The following ARHGEF10 variants were observed in gnomAD, a reference collection of about 807,000 sequenced individuals.
ARHGEF10 encodes the protein Rho guanine nucleotide exchange factor 10, also known as Rho guanine nucleotide exchange factor (GEF) 10.
A neutral mutation model predicts 147.4 loss-of-function variants in ARHGEF10; 140 were observed. The ratio of observed to expected loss-of-function variants is 0.95; its 90% CI spans 0.83 to 1.09. The LOEUF is 1.09. Ranked by LOEUF, ARHGEF10 falls within the 50% of genes least tolerant of loss-of-function variation. The probability of loss-of-function intolerance (pLI) is 0.00; values close to 1 mark genes in which losing one functional copy is unlikely to be tolerated. For synonymous variants in ARHGEF10, 902 were observed against 695.8 expected, an observed-to-expected ratio of 1.30 and a Z score of -4.67; for missense variants, 2,222 against 1,752.7, an observed-to-expected ratio of 1.27 and a Z score of -4.78.
chr8:1,875,236 G>A (rs1807590288), intron 7 of ARHGEF10, among the ~76,000 whole-genome samples: 1 of 148,950 alleles, frequency 6.7e-6, no homozygotes, highest in Non-Finnish European at 1.5e-5. Flanking sequence ...GTGGGAGAGT[G>A]CAGACACACA....
At chr8:1,918,299 G>T (rs1182849984) in intron 18 of ARHGEF10, among the ~76,000 whole-genome samples, 2 of 152,212 alleles carry the variant, frequency 1.3e-5, no homozygotes, top group East Asian at 1.9e-4. Context: ...GCCCTGAGGT[G>T]CCCTATTATG....
At chr8:1,893,747 A>G (rs898277610) in intron 12 of ARHGEF10, 101 bp downstream of exon 12, 15 of 1,015,014 alleles carry the variant, frequency 1.5e-5, no homozygotes, top group African/African-American at 6.5e-5. Flanking sequence ...TTTATGAAAC[A>G]TAACATGCAA....
At position 1,857,967 on chromosome 8, in the gene ARHGEF10, A is replaced by G. The variant is rs773000055; in HGVS notation, c.45A>G (p.Glu15=). The change falls in exon 3 of 29, where the codon GAA becomes GAG. Residue 15 remains glutamate (E), a synonymous_variant. Transcript: ENST00000349830. The part of the protein sequence containing the change: ...EPLPPAPAEN[E]MKYDTNNNEE... ...TTTGGTTTTTCTTTTTAGAAAATGA[A>G]ATGAAATATGATACCAATAATAATG... 2 of 1,613,902 alleles carry G rather than the reference A, an allele frequency of 1.2e-6. No homozygotes were observed. Among genetic ancestry groups the G allele is most frequent in the African/African-American group, 2.7e-5 (2 of 75,000 alleles).
chr8:1,925,396 G>A lies in ARHGEF10; in HGVS notation c.2602G>A (p.Glu868Lys). 1 of 1,614,106 alleles carries A rather than the reference G, an allele frequency of 6.2e-7. No individual in the cohort carries two copies. The highest frequency in any genetic ancestry group is 8.5e-7 in the Non-Finnish European group (1 of 1,180,030). ...GCCCGTGATGGTGGCCAAGCAGCAG[G>A]AGTTCAAGGTGAAGGGAGGCAGGGC... is the stretch of plus-strand genomic sequence containing the variant. ...HMPVMVAKQQ[E>K]FKIECAAYNP... The change falls in exon 22 of 29, where the codon GAG (glutamate) becomes AAG (lysine). Residue 868 changes from glutamate (E) to lysine (K), a missense_variant. Physicochemically the swap from Glu to Lys is moderately conservative, Grantham distance 56. Coordinates refer to ENST00000349830, the MANE Select transcript of ARHGEF10 (RefSeq NM_014629.4).
intron 11 of ARHGEF10, among the ~76,000 whole-genome samples, chr8:1,888,733 T>G (rs957957637): frequency 0.053 from 1,143 of 21,674 alleles, 443 homozygotes; most frequent in East Asian, 0.49. Flanking sequence ...TAGGGTGAGG[T>G]TTGTGAGGAG....
chr8:1,926,042 G>C (rs909399280), intron 22 of ARHGEF10, among the ~76,000 whole-genome samples: 1 of 152,220 alleles, frequency 6.6e-6, no homozygotes, highest in African/African-American at 2.4e-5. Flanking sequence ...ACAGGGAAGG[G>C]GAGAGGCACA....
chr8:1,827,094 G>C (rs964790651), intron 1 of ARHGEF10, among the ~76,000 whole-genome samples: 4 of 152,190 alleles, frequency 2.6e-5, no homozygotes, highest in African/African-American at 9.7e-5. Flanking sequence ...ACAGCCCCAG[G>C]TCCGTCTAGG....
chr8:1,944,251 G>A (rs184646264), intron 26 of ARHGEF10, among the ~76,000 whole-genome samples: 29 of 151,850 alleles, frequency 1.9e-4, no homozygotes, highest in South Asian at 8.3e-4. Context: ...CTCCCGCACC[G>A]TGTCGCCTCC....
intron 25 of ARHGEF10, 63 bp from the exon 26 acceptor site, chr8:1,933,737 C>A: frequency 6.3e-7 from 1 of 1,580,950 alleles, no homozygotes; most frequent in South Asian, 1.1e-5. Context: ...ATGTATGACC[C>A]CATTTTCCCA....
rs1389064788 is a variant in ARHGEF10 at position 1,926,385 on chromosome 8, T to G, written c.2619T>G (p.Cys873Trp). ...ATTTTATTCCATTTTAGATTGAATG[T>G]GCTGCTTATAACCCTGAACCTTACC... ...VAKQQEFKIE[C>W]AAYNPEPYLN... The change falls in exon 23 of 29, where the codon TGT becomes TGG. Residue 873 changes from cysteine to tryptophan, a missense_variant. Transcript: ENST00000349830. The G allele has an allele frequency of 6.2e-7, 1 of 1,613,862 alleles. No individual in the cohort carries two copies. Among genetic ancestry groups the G allele is most frequent in the Non-Finnish European group, 8.5e-7 (1 of 1,179,710 alleles).
chr8:1,886,166 C>T (rs533020753), intron 11 of ARHGEF10, among the ~76,000 whole-genome samples: 1 of 152,134 alleles, frequency 6.6e-6, no homozygotes, highest in East Asian at 1.9e-4. Context: ...ATCTGATACT[C>T]AGTAGCAGAA....
rs759917045 is a variant in ARHGEF10 at position 1,928,461 on chromosome 8, C to T, written c.2732C>T (p.Ala911Val). ...GSCTHQMGQI[A>V]IVSFQNSTPK... ...TGCACCCATCAAATGGGTCAGATTG[C>T]CATCGTCTCGTTTCAAAATTCCACT... is the stretch of plus-strand genomic sequence containing the variant. The change falls in exon 24 of 29, where the codon GCC becomes GTC. Residue 911 changes from alanine (A) to valine (V), a missense_variant. By Grantham distance (64) the Ala-to-Val change is moderately conservative. Transcript: ENST00000349830. The T allele has an allele frequency of 2.5e-6, 4 of 1,613,412 alleles. No homozygotes were observed. Among genetic ancestry groups the T allele is most frequent in the African/African-American group, 2.7e-5 (2 of 74,858 alleles).
chr8:1,832,535 CAG>C (rs1278809233), intron 1 of ARHGEF10, among the ~76,000 whole-genome samples: 6 of 105,978 alleles, frequency 5.7e-5, no homozygotes, highest in African/African-American at 1.6e-4. Flanking sequence ...TAGAGAGACA[CAG>C]AGGCAGAGGC....
At chr8:1,922,243 C>T (rs961710146) in intron 18 of ARHGEF10, among the ~76,000 whole-genome samples, 2 of 149,610 alleles carry the variant, frequency 1.3e-5, no homozygotes, top group African/African-American at 2.5e-5. Flanking sequence ...CCCAAGTCAT[C>T]GAAGACAAAC....
Position 1,922,943 on chromosome 8 carries a change from TTC to T in ARHGEF10, c.2144-19_2144-18del. 2 of 1,538,450 alleles carry T rather than the reference TTC, an allele frequency of 1.3e-6. No individual in the cohort carries two copies. Among genetic ancestry groups the T allele is most frequent in the Non-Finnish European group, 1.8e-6 (2 of 1,112,852 alleles). ...GGCTTTACCTTTGTATTCTTTTTTT[TTC>T]TTTTTGCTTATTTTGTAGACAAAGT... On this transcript the variant is annotated intron_variant, in intron 18 of 28. Transcript: ENST00000349830.
chr8:1,882,784 C>T lies in ARHGEF10; in HGVS notation c.1075+35C>T, dbSNP rs1460024271. 16 of 1,170,162 alleles carry T rather than the reference C, an allele frequency of 1.4e-5. No homozygotes were observed. The African/African-American group carries it at 2.4e-4, about 17-fold the overall frequency. The allele number at this position is 1,170,162 out of a possible 1,614,324, so 72.5% of individuals were successfully genotyped here. On this transcript the variant is annotated intron_variant, in intron 10 of 28. Transcript: ENST00000349830. ...TGCAGGTCTTCTTGCGGGGAGGACA[C>T]GGGGTTGGGGGGGGCGGCCACATCT...
intron 8 of ARHGEF10, among the ~76,000 whole-genome samples, chr8:1,877,080 G>A (rs989731679): frequency 2.0e-5 from 3 of 152,234 alleles, no homozygotes; most frequent in Non-Finnish European, 1.5e-5. Flanking sequence ...GAATAGATGG[G>A]ATCGGGGTTC....
intron 27 of ARHGEF10, among the ~76,000 whole-genome samples, chr8:1,950,723 T>A (rs1814964069): frequency 7.9e-6 from 1 of 126,448 alleles, no homozygotes; most frequent in African/African-American, 2.9e-5. Context: ...TTTGTTTTGT[T>A]TTTTAGGTTT....
intron 1 of ARHGEF10, among the ~76,000 whole-genome samples, chr8:1,832,527 G>GAGACAGAGACAGAGGC (rs1803204627): frequency 6.9e-6 from 1 of 144,920 alleles, no homozygotes; most frequent in African/African-American, 2.6e-5. Context: ...GACAGAGGTA[G>GAGACAGAGACAGAGGC]AGAGACACAG....
Sources: allele counts gnomAD v4.1 joint callset (sites outside exome capture counted in the v4.1 genomes callset), GRCh38; gene constraint gnomAD v4.1.1; transcripts MANE v1.5; gene names NCBI Gene and HGNC (gene_info 2026-07-23, HGNC 2026-07-21).